Variants in PTDSS1 observed in about 807,000 individuals in gnomAD.
PTDSS1 encodes PSS-1.
Under a neutral mutation model 70.5 loss-of-function variants are expected in PTDSS1, and 45 were observed. The observed-to-expected ratio is 0.64, with a 90% confidence interval of 0.50 to 0.82. The LOEUF is 0.82. Among genes scored for constraint, PTDSS1 ranks in the 40% least tolerant of loss-of-function variants. The pLI is 0.00. For missense variants in PTDSS1, 417 were observed against 586.1 expected (o/e 0.71, Z 2.98); for synonymous variants, 188 against 203.8 (o/e 0.92, Z 0.66).
intron 10 of PTDSS1, among the ~76,000 whole-genome samples, chr8:96,328,810 C>T (rs1444368110): frequency 6.6e-6 from 1 of 152,230 alleles, no homozygotes; most frequent in African/African-American, 2.4e-5. Flanking sequence ...CCCGCCCTAC[C>T]ACCAGACTGT....
chr8:96,303,860 G>A (rs960629429), intron 6 of PTDSS1, among the ~76,000 whole-genome samples, 180 bp from the exon 7 acceptor site: 26 of 152,176 alleles, frequency 1.7e-4, no homozygotes, highest in African/African-American at 6.0e-4. Context: ...CATTGAGTGT[G>A]CTTCTGTCAC....
chr8:96,293,701 T>C (rs1310797920), intron 4 of PTDSS1, among the ~76,000 whole-genome samples: 3 of 152,256 alleles, frequency 2.0e-5, no homozygotes, highest in South Asian at 4.1e-4. Flanking sequence ...AGCATAGAGC[T>C]ACTTAATAGA....
chr8:96,331,550 C>T (rs1056586677), intron 12 of PTDSS1, among the ~76,000 whole-genome samples: 37 of 149,326 alleles, frequency 2.5e-4, no homozygotes, highest in African/African-American at 9.1e-4. Context: ...ACTCCAGTCT[C>T]GGCAGCAGAG....
intron 5 of PTDSS1, among the ~76,000 whole-genome samples, chr8:96,296,498 T>G (rs536600501): frequency 5.3e-5 from 8 of 152,266 alleles, no homozygotes; most frequent in Non-Finnish European, 1.2e-4. Context: ...ACAAGTCATA[T>G]TGGATTAGCA....
intron 1 of PTDSS1, among the ~76,000 whole-genome samples, chr8:96,267,010 G>C (rs949429790): frequency 1.3e-5 from 2 of 152,160 alleles, no homozygotes; most frequent in African/African-American, 4.8e-5. Context: ...TATATACCTA[G>C]GAACTGCTGC....
chr8:96,276,158 G>A (rs1180702796), intron 2 of PTDSS1, among the ~76,000 whole-genome samples: 1 of 152,212 alleles, frequency 6.6e-6, no homozygotes, highest in Non-Finnish European at 1.5e-5. Context: ...GAAGTGTGAG[G>A]ATTCTAAAAG....
At chr8:96,309,451 C>T in intron 8 of PTDSS1, 106 bp from the exon 9 acceptor site, 1 of 942,848 alleles carries the variant, frequency 1.1e-6, no homozygotes, top group Non-Finnish European at 1.7e-6. Context: ...GGCAGCCTGA[C>T]ATGGGACAAG....
chr8:96,276,978 GCGCACACA>G lies in PTDSS1; in HGVS notation c.271+3590_271+3597del, dbSNP rs1309717976. ...CGGGCACATACACGCGCGCACGCGCGCGCACACACACACACACACACACACACACACAC... is the reference window on the plus strand; with the variant it reads ...CGGGCACATACACGCGCGCACGCGCGCACACACACACACACACACACACAC... On this transcript the variant is annotated intron_variant, in intron 2 of 12. Transcript: ENST00000517309. Among the ~76,000 whole-genome samples, 27 of 129,740 alleles carry G rather than the reference GCGCACACA, an allele frequency of 2.1e-4. No homozygotes were observed. In the South Asian group the frequency reaches 3.7e-3, roughly 18 times the overall value. 85.1% of individuals were successfully genotyped at this position (129,740 alleles called of 152,430 possible). A position where few individuals can be genotyped will look rare whatever the true frequency, so the allele number is the denominator to read the frequency against.
intron 12 of PTDSS1, among the ~76,000 whole-genome samples, chr8:96,332,017 TAAAAAAAAAAAAA>T (rs59720395): frequency 9.4e-5 from 6 of 63,784 alleles, no homozygotes; most frequent in East Asian, 1.2e-3. Flanking sequence ...CCCTGCCTCT[TAAAAAAAAAAAAA>T]AAAAAAAAAA....
chr8:96,312,372 C>T (rs1242883141), intron 9 of PTDSS1, among the ~76,000 whole-genome samples: 1 of 151,962 alleles, frequency 6.6e-6, no homozygotes, highest in African/African-American at 2.4e-5. Flanking sequence ...ATCACTTGAA[C>T]CCAGGATGTC....
At chr8:96,320,824 A>G (rs182412877) in intron 10 of PTDSS1, among the ~76,000 whole-genome samples, 5 of 152,336 alleles carry the variant, frequency 3.3e-5, no homozygotes, top group Non-Finnish European at 5.9e-5. Context: ...CTCCAGGTCC[A>G]CGTTATAACC....
intron 1 of PTDSS1, among the ~76,000 whole-genome samples, chr8:96,268,432 A>C (rs1048319484): frequency 7.2e-5 from 11 of 152,128 alleles, no homozygotes; most frequent in Middle Eastern, 3.4e-3. Flanking sequence ...ATTAACCTAG[A>C]AGCCTTAGGA....
chr8:96,283,181 T>C (rs983444561), intron 2 of PTDSS1, among the ~76,000 whole-genome samples: 2 of 152,178 alleles, frequency 1.3e-5, no homozygotes, highest in Non-Finnish European at 2.9e-5. Flanking sequence ...CCTGGCATGA[T>C]TGTCACTGCA....
At chr8:96,287,571 C>T (rs1395205155) in intron 4 of PTDSS1, among the ~76,000 whole-genome samples, 1 of 144,962 alleles carries the variant, frequency 6.9e-6, no homozygotes, top group Non-Finnish European at 1.6e-5. Flanking sequence ...GTGCCCCCAA[C>T]ACCCCATGTT....
chr8:96,333,391 CT>C, intron 12 of PTDSS1, 65 bp from the exon 13 acceptor site: 1 of 1,455,368 alleles, frequency 6.9e-7, no homozygotes, highest in Admixed American at 1.7e-5. Context: ...CTAGGGCGGT[CT>C]GGAAAGGGAC....
intron 4 of PTDSS1, 96 bp from the exon 5 acceptor site, chr8:96,295,002 C>G (rs1358888530): frequency 1.7e-6 from 2 of 1,202,622 alleles, no homozygotes; most frequent in Non-Finnish European, 2.3e-6. Context: ...TATTTGTTGT[C>G]AAGTTCATAT....
chr8:96,297,297 G>A (rs1167446376), intron 5 of PTDSS1, among the ~76,000 whole-genome samples: 1 of 152,124 alleles, frequency 6.6e-6, no homozygotes, highest in African/African-American at 2.4e-5. Context: ...TCTTGCCTCA[G>A]CCTCCCAAGT....
intron 9 of PTDSS1, among the ~76,000 whole-genome samples, chr8:96,314,636 G>A (rs1056787299): frequency 4.6e-5 from 7 of 152,068 alleles, no homozygotes; most frequent in Non-Finnish European, 8.8e-5. Context: ...TCACTCTGTC[G>A]CCCAGGCTGG....
intron 8 of PTDSS1, among the ~76,000 whole-genome samples, chr8:96,308,845 G>A (rs1172971647): frequency 2.6e-5 from 4 of 151,970 alleles, no homozygotes; most frequent in African/African-American, 7.3e-5. Flanking sequence ...TATTTCTACC[G>A]GATGGTGCTG....
Sources: gnomAD v4.1 joint callset for allele counts (sites outside exome capture counted in the v4.1 genomes callset) on GRCh38, gnomAD v4.1.1 for gene constraint, MANE v1.5 for transcripts, NCBI Gene and HGNC (gene_info 2026-07-23, HGNC 2026-07-21) for gene names.